The following PNO1 variants were observed in gnomAD, a reference collection of about 807,000 sequenced individuals.
PNO1 encodes the protein RNA-binding protein PNO1.
Under a neutral mutation model 28.4 loss-of-function variants are expected in PNO1, and 16 were observed. That is an observed-to-expected ratio of 0.56 (90% CI 0.38 to 0.85). The LOEUF is 0.85. PNO1 is among the 40% of genes least tolerant of loss of function. The probability of loss-of-function intolerance (pLI) is 0.00; values close to 1 mark genes in which losing one functional copy is unlikely to be tolerated. For synonymous variants in PNO1, 115 were observed against 110.8 expected (o/e 1.04, Z -0.24); for missense variants, 304 against 312.2 (o/e 0.97, Z 0.20).
chr2:68,165,359 G>A (rs1374182437), intron 5 of PNO1, among the ~76,000 whole-genome samples: 5 of 75,740 alleles, frequency 6.6e-5, no homozygotes, highest in South Asian at 4.6e-4. Context: ...GCGAGACTCC[G>A]TCTCAAAAAA....
intron 3 of PNO1, 119 bp from the exon 4 acceptor site, chr2:68,162,144 GAA>G: frequency 5.0e-6 from 3 of 597,176 alleles, no homozygotes; most frequent in East Asian, 3.1e-5. Context: ...GTCTCCAAGG[GAA>G]AAAAAAAAGC....
intron 2 of PNO1, 151 bp from the exon 3 acceptor site, chr2:68,161,532 G>C: frequency 3.2e-6 from 2 of 620,974 alleles, no homozygotes; most frequent in Non-Finnish European, 5.8e-6. Flanking sequence ...GCACTTATCT[G>C]ACCAGAACCT....
intron 5 of PNO1, among the ~76,000 whole-genome samples, chr2:68,172,328 G>A (rs1674152276): frequency 6.6e-6 from 1 of 152,124 alleles, no homozygotes; most frequent in Non-Finnish European, 1.5e-5. Context: ...GATGTGGCAT[G>A]AAGACACCTG....
chr2:68,174,144 C>T (rs990341497), intron 6 of PNO1, among the ~76,000 whole-genome samples: 2 of 152,140 alleles, frequency 1.3e-5, no homozygotes, highest in Non-Finnish European at 2.9e-5. Context: ...AGGATCTTAG[C>T]GGCTTGCTCA....
rs1407290380 is a variant in PNO1, at chr2:68,158,010, C to T, written c.76C>T (p.Arg26Trp). The T allele has an allele frequency of 6.2e-7, 1 of 1,614,160 alleles. No homozygotes were observed. Residue 26 changes from arginine to tryptophan, a missense_variant, in exon 1 of 7, where the codon CGG becomes TGG. By Grantham distance (101) the Arg-to-Trp change is moderately radical (BLOSUM62 -3). Transcript: ENST00000263657. ...CCAGGTCACCCGCAAGGGTGGCCGA[C>T]GGGCGAAGAAACGACAGGCTGAACA... ...FTQVTRKGGR[R>W]AKKRQAEQLS...
intron 2 of PNO1, chr2:68,161,090 T>C (rs1419507785): frequency 2.4e-6 from 1 of 408,314 alleles, no homozygotes; most frequent in Non-Finnish European, 5.0e-6. Context: ...GTGTAAAGCA[T>C]GTTATTTATA....
Position 68,175,018 on chromosome 2 carries a change from AC to A in PNO1, c.*217del, listed in dbSNP as rs1674238312. On this transcript the variant is annotated 3_prime_UTR_variant, in exon 7 of 7. Transcript: ENST00000263657. ...TTAAATATCAAAAATTGATTGTTAT[AC>A]TTAACACATTAGGTATAATTTATCA... is the stretch of plus-strand genomic sequence containing the variant. 1 of 393,222 alleles carries A rather than the reference AC, an allele frequency of 2.5e-6. No individual in the cohort carries two copies. Among genetic ancestry groups the A allele is most frequent in the Non-Finnish European group, 4.2e-6 (1 of 239,480 alleles). The allele number at this position is 393,222 out of a possible 1,614,324, so 24.4% of individuals were successfully genotyped here.
chr2:68,165,090 C>T (rs1673940496), intron 5 of PNO1, among the ~76,000 whole-genome samples: 1 of 152,078 alleles, frequency 6.6e-6, no homozygotes, highest in African/African-American at 2.4e-5. Flanking sequence ...CATGGCCCGG[C>T]ACGGTGGCTC....
At chr2:68,167,340 A>T (rs959260847) in intron 5 of PNO1, among the ~76,000 whole-genome samples, 2 of 152,192 alleles carry the variant, frequency 1.3e-5, no homozygotes, top group African/African-American at 4.8e-5. Flanking sequence ...AGAGCTTTAA[A>T]AGGCATTCCT....
At chr2:68,170,705 G>T (rs374879298) in intron 5 of PNO1, among the ~76,000 whole-genome samples, 49 of 123,124 alleles carry the variant, frequency 4.0e-4, no homozygotes, top group Non-Finnish European at 9.3e-5. Flanking sequence ...CCGAGATTGC[G>T]CCACTGCACT....
In PNO1 at chr2:68,173,005, C is replaced by CTAA. The variant is rs1674169748; in HGVS notation, c.621-341_621-340insAAT. ...ATAACCACTGCCCTCATTAAAGAAT[C>CTAA]TGACTCAAATATCATGATTTTCCAG... On this transcript the variant is annotated intron_variant, in intron 5 of 6. Transcript: ENST00000263657. 11 of 193,936 alleles carry CTAA rather than the reference C, an allele frequency of 5.7e-5. No individual in the cohort carries two copies. The South Asian group carries it at 2.0e-3, about 35-fold the overall frequency. The allele number at this position is 193,936 out of a possible 1,614,324, so 12.0% of individuals were successfully genotyped here. A position where few individuals can be genotyped will look rare whatever the true frequency, so the allele number is the denominator to read the frequency against.
At chr2:68,162,398 C>G (rs1330834860) in intron 4 of PNO1, 73 bp downstream of exon 4, 2 of 1,211,708 alleles carry the variant, frequency 1.7e-6, no homozygotes, top group Non-Finnish European at 2.4e-6. Context: ...TTTCTAATAG[C>G]ATCAATTGAG....
chr2:68,163,573 A>G (rs1673897490), intron 5 of PNO1, among the ~76,000 whole-genome samples: 1 of 150,542 alleles, frequency 6.6e-6, no homozygotes, highest in African/African-American at 2.5e-5. Flanking sequence ...ACATACATAC[A>G]TACATACATA....
At chr2:68,168,598 T>A (rs913341189) in intron 5 of PNO1, among the ~76,000 whole-genome samples, 6 of 152,250 alleles carry the variant, frequency 3.9e-5, no homozygotes, top group African/African-American at 1.4e-4. Context: ...AGAATGTCAT[T>A]TACTCTTTAA....
At chr2:68,169,605 A>G (rs1464805387) in intron 5 of PNO1, among the ~76,000 whole-genome samples, 2 of 152,142 alleles carry the variant, frequency 1.3e-5, no homozygotes, top group Admixed American at 1.3e-4. Context: ...GCATCTTTGC[A>G]TTTGTTTCCA....
intron 6 of PNO1, among the ~76,000 whole-genome samples, chr2:68,173,824 G>A (rs10190515): frequency 0.75 from 113,271 of 151,924 alleles, 43,278 homozygotes; most frequent in African/African-American, 0.93. Context: ...CTTGTGATCC[G>A]TCCACCTCAG....
chr2:68,171,972 C>T (rs62145950), intron 5 of PNO1, among the ~76,000 whole-genome samples: 1 of 151,660 alleles, frequency 6.6e-6, no homozygotes, highest in African/African-American at 2.4e-5. Context: ...TGTTTGAAAT[C>T]GAAATTATGG....
At chr2:68,171,368 C>G (rs1233354327) in intron 5 of PNO1, among the ~76,000 whole-genome samples, 5 of 152,236 alleles carry the variant, frequency 3.3e-5, no homozygotes, top group Non-Finnish European at 5.9e-5. Flanking sequence ...GGTTCCCTGT[C>G]CCCTGCCTCT....
At position 68,157,903 on chromosome 2, in the gene PNO1, T is replaced by A; in HGVS notation, c.-32T>A. The A allele has an allele frequency of 6.2e-7, 1 of 1,600,016 alleles. No individual in the cohort carries two copies. The highest frequency in any genetic ancestry group is 1.3e-5 in the African/African-American group (1 of 74,706). On this transcript the variant is annotated 5_prime_UTR_variant, in exon 1 of 7. Coordinates refer to ENST00000263657, the MANE Select transcript of PNO1 (RefSeq NM_020143.4). ...TCTGCGTGGTGCAGCTGCGCACGTG[T>A]TTCAGCCGGCAGCGCTTTAAGATTT...
Sources: allele counts gnomAD v4.1 joint callset (sites outside exome capture counted in the v4.1 genomes callset), GRCh38; gene constraint gnomAD v4.1.1; transcripts MANE v1.5; gene names NCBI Gene and HGNC (gene_info 2026-07-23, HGNC 2026-07-21).